GRIK4: variants seen among roughly 807,000 people sequenced by gnomAD.
The protein encoded by GRIK4 is glutamate ionotropic receptor kainate type subunit 4, also known as glutamate receptor ionotropic, kainate 4.
In GRIK4, 40 loss-of-function variants were observed where a neutral mutation model predicts 104.9. The observed-to-expected ratio is 0.38, with a 90% CI of 0.30 to 0.50. The LOEUF is 0.50. Ranked by LOEUF, GRIK4 falls within the 20% of genes least tolerant of loss-of-function variation. The pLI is 0.93. For synonymous variants in GRIK4, 485 were observed against 524.9 expected, an observed-to-expected ratio of 0.92 and a Z score of 1.04; for missense variants, 1,047 against 1,308.1, an observed-to-expected ratio of 0.80 and a Z score of 3.08.
intron 1 of GRIK4, among the ~76,000 whole-genome samples, chr11:120,604,128 C>G (rs371746948): frequency 2.1e-5 from 3 of 143,756 alleles, no homozygotes. Flanking sequence ...GCCGAGATCG[C>G]GCCACTGCAC....
At chr11:120,753,340 T>TGCGTGTGC (rs1555055681) in intron 3 of GRIK4, among the ~76,000 whole-genome samples, 2 of 147,606 alleles carry the variant, frequency 1.4e-5, no homozygotes, top group African/African-American at 4.9e-5. Context: ...TGTGTGTGTG[T>TGCGTGTGC]GTGCAGGGTG....
At chr11:120,921,066 A>T (rs754599676) in intron 13 of GRIK4, among the ~76,000 whole-genome samples, 3 of 152,132 alleles carry the variant, frequency 2.0e-5, no homozygotes, top group Non-Finnish European at 4.4e-5. Flanking sequence ...TCTCTGTCTA[A>T]GCCTGGCGTC....
intron 3 of GRIK4, among the ~76,000 whole-genome samples, chr11:120,753,771 T>C (rs1300776303): frequency 2.0e-5 from 3 of 152,186 alleles, no homozygotes; most frequent in African/African-American, 7.2e-5. Context: ...TCCTTTTTGT[T>C]TTGTTTTTTA....
At chr11:120,944,659 T>C (rs921359281) in intron 14 of GRIK4, among the ~76,000 whole-genome samples, 2 of 152,212 alleles carry the variant, frequency 1.3e-5, no homozygotes, top group African/African-American at 4.8e-5. Context: ...GCCTGTATCC[T>C]CCTTTAGGGC....
At chr11:120,964,685 A>G (rs1195273063) in intron 18 of GRIK4, among the ~76,000 whole-genome samples, 1 of 152,230 alleles carries the variant, frequency 6.6e-6, no homozygotes, top group Non-Finnish European at 1.5e-5. Flanking sequence ...ATTTTCATCA[A>G]TAACCAAGGA....
At chr11:120,744,606 G>A (rs1045913118) in intron 3 of GRIK4, among the ~76,000 whole-genome samples, 1 of 152,148 alleles carries the variant, frequency 6.6e-6, no homozygotes, top group African/African-American at 2.4e-5. Context: ...CTTGGAAGAG[G>A]AGTAAAGAGG....
chr11:120,752,780 G>C (rs1370559766), intron 3 of GRIK4, among the ~76,000 whole-genome samples: 1 of 152,174 alleles, frequency 6.6e-6, no homozygotes, highest in Non-Finnish European at 1.5e-5. Flanking sequence ...GGCTCTGCTC[G>C]AGGGCCACCT....
At chr11:120,887,717 CAG>C (rs1325546613) in intron 11 of GRIK4, among the ~76,000 whole-genome samples, 1 of 152,202 alleles carries the variant, frequency 6.6e-6, no homozygotes, top group Non-Finnish European at 1.5e-5. Context: ...GTGAACAAGA[CAG>C]AGTCTCTTCA....
intron 1 of GRIK4, among the ~76,000 whole-genome samples, chr11:120,591,082 G>A (rs1008468623): frequency 3.3e-5 from 5 of 152,060 alleles, no homozygotes; most frequent in African/African-American, 1.2e-4. Flanking sequence ...GTAAATGGAG[G>A]CAAGTCACCA....
intron 19 of GRIK4, among the ~76,000 whole-genome samples, chr11:120,980,512 C>G (rs557501): frequency 0.77 from 117,000 of 152,050 alleles, 45,225 homozygotes; most frequent in Admixed American, 0.82. Context: ...TACCCAAATG[C>G]CCCAGGTTAG....
chr11:120,555,528 G>C lies in GRIK4; in HGVS notation c.-159+43641G>C, dbSNP rs958117899. ...CAGTAAAATTTGCTCTGGGGCTGAG[G>C]CTGCCACCAGATGCACACAGCGGTC... On this transcript the variant is annotated intron_variant, in intron 1 of 20. Transcript: ENST00000527524. This position sits in a 1 kb window ranked among gnomAD's most constrained non-coding sequence, Gnocchi z 5.3. Among the ~76,000 whole-genome samples the C allele has an allele frequency of 7.9e-5, 12 of 152,210 alleles. No homozygotes were observed. The highest frequency in any genetic ancestry group is 2.2e-4 in the African/African-American group (9 of 41,456).
rs141196181 is a variant in GRIK4 at position 120,834,263 on chromosome 11, GGTGTGTGTGTGTGT to G, written c.690+2257_690+2270del. 4.1e-5 allele frequency among the ~76,000 whole-genome samples: 6 copies of G among 146,090 alleles called. No individual in the cohort carries two copies. The South Asian group carries it at 6.7e-4, about 16-fold the overall frequency. On this transcript the variant is annotated intron_variant, in intron 7 of 20. Transcript: ENST00000527524. ...GTATGTTAATTAAAAACACTTTATA[GGTGTGTGTGTGTGT>G]GTGTGTGTGTGTGTGTGTGTGTGGC...
intron 1 of GRIK4, among the ~76,000 whole-genome samples, chr11:120,630,775 T>G (rs945598403): frequency 2.0e-5 from 3 of 152,232 alleles, no homozygotes; most frequent in Non-Finnish European, 4.4e-5. Context: ...TTGGACAGTG[T>G]GATGTGTTGG....
At chr11:120,566,797 G>A (rs1026188298) in intron 1 of GRIK4, among the ~76,000 whole-genome samples, 4 of 146,870 alleles carry the variant, frequency 2.7e-5, no homozygotes, top group Non-Finnish European at 3.0e-5. Flanking sequence ...TCCACCTCCC[G>A]GGTTCAAGTG....
intron 3 of GRIK4, among the ~76,000 whole-genome samples, chr11:120,710,621 G>A (rs538061197): frequency 1.3e-5 from 2 of 152,240 alleles, no homozygotes; most frequent in African/African-American, 2.4e-5. Flanking sequence ...TGCGCCCTGC[G>A]GTTTTTCTGT....
At chr11:120,529,900 G>A (rs1947905581) in intron 1 of GRIK4, among the ~76,000 whole-genome samples, 1 of 152,254 alleles carries the variant, frequency 6.6e-6, no homozygotes, top group African/African-American at 2.4e-5. Context: ...CAGAAGTTCA[G>A]AGTGGTTAAA....
At chr11:120,687,888 T>C (rs994690765) in intron 3 of GRIK4, among the ~76,000 whole-genome samples, 1 of 152,164 alleles carries the variant, frequency 6.6e-6, no homozygotes, top group Non-Finnish European at 1.5e-5. Flanking sequence ...CAGAAAACAC[T>C]CTCTGCTTTA....
At position 120,967,680 on chromosome 11, in the gene GRIK4, A is replaced by G. The variant is rs1469281525; in HGVS notation, c.2395+357A>G. 6.6e-6 allele frequency among the ~76,000 whole-genome samples: 1 copy of G among 152,152 alleles called. No individual in the cohort carries two copies. The highest frequency in any genetic ancestry group is 1.5e-5 in the Non-Finnish European group (1 of 68,028). ...TCCCATTCTTGCGTCTCTACAGTAT[A>G]TTCTCCGCTACTAGCCAGAGTGATC... On this transcript the variant is annotated intron_variant, in intron 19 of 20. Coordinates refer to ENST00000527524, the MANE Select transcript of GRIK4 (RefSeq NM_014619.5). This position sits in a 1 kb window ranked among gnomAD's most constrained non-coding sequence, Gnocchi z 4.2.
chr11:120,560,271 C>T (rs984612319), intron 1 of GRIK4, among the ~76,000 whole-genome samples: 10 of 152,072 alleles, frequency 6.6e-5, no homozygotes, highest in African/African-American at 2.4e-4. Flanking sequence ...AGGCTGGTCT[C>T]AAACTCCCGA....
Sources: gnomAD v4.1 joint callset for allele counts (sites outside exome capture counted in the v4.1 genomes callset) on GRCh38, gnomAD v4.1.1 for gene constraint, Gnocchi (gnomAD v3.1) non-coding constraint, MANE v1.5 for transcripts, NCBI Gene and HGNC (gene_info 2026-07-23, HGNC 2026-07-21) for gene names.